Variants in MECOM observed in about 807,000 individuals in gnomAD.
MECOM encodes histone-lysine N-methyltransferase MECOM.
MECOM carries 13 observed loss-of-function variants against 116.3 expected under a neutral mutation model. The ratio of observed to expected loss-of-function variants is 0.11; its 90% confidence interval spans 0.07 to 0.18. MECOM has a LOEUF of 0.18. Among genes scored for constraint, MECOM ranks in the 10% least tolerant of loss-of-function variants. The pLI is 1.00. For missense variants in MECOM, 1,299 were observed against 1,509.0 expected, an observed-to-expected ratio of 0.86 and a Z score of 2.31; for synonymous variants, 528 against 535.2, an observed-to-expected ratio of 0.99 and a Z score of 0.19.
chr3:169,243,965 T>C (rs796257813), intron 2 of MECOM, among the ~76,000 whole-genome samples: 20 of 152,352 alleles, frequency 1.3e-4, no homozygotes, highest in African/African-American at 4.6e-4. Context: ...CTTCTTCAAT[T>C]GCAGGGCTCA....
chr3:169,465,529 T>C (rs192058357), intron 1 of MECOM, among the ~76,000 whole-genome samples: 47 of 152,222 alleles, frequency 3.1e-4, no homozygotes, highest in Admixed American at 2.5e-3. Flanking sequence ...ACACTTTGCT[T>C]GTCTTAGATT....
intron 2 of MECOM, among the ~76,000 whole-genome samples, chr3:169,241,726 C>A (rs774148751): frequency 6.6e-6 from 1 of 152,070 alleles, no homozygotes; most frequent in Non-Finnish European, 1.5e-5. Flanking sequence ...ACCACTAATA[C>A]CCAGGAAAGA....
chr3:169,263,301 T>C (rs1043915117), intron 2 of MECOM, among the ~76,000 whole-genome samples: 38 of 151,000 alleles, frequency 2.5e-4, no homozygotes, highest in African/African-American at 9.2e-4. Flanking sequence ...GTTAATCTTT[T>C]GTATTTTTAG....
intron 2 of MECOM, chr3:169,146,004 G>T: frequency 4.5e-6 from 1 of 222,430 alleles, no homozygotes; most frequent in African/African-American, 2.2e-5. Flanking sequence ...CTTTTGATTT[G>T]CTAGCAGAAC....
intron 1 of MECOM, among the ~76,000 whole-genome samples, chr3:169,509,330 T>C (rs1755676722): frequency 6.6e-6 from 1 of 152,246 alleles, no homozygotes; most frequent in Non-Finnish European, 1.5e-5. Context: ...AAAAATTTTT[T>C]GATCGTGGTA....
chr3:169,446,597 C>T (rs948962684), intron 1 of MECOM, among the ~76,000 whole-genome samples: 3 of 152,192 alleles, frequency 2.0e-5, no homozygotes, highest in African/African-American at 7.2e-5. Flanking sequence ...ATAGAACTTG[C>T]TAAGCTACCC....
At chr3:169,258,817 G>A (rs545327926) in intron 2 of MECOM, among the ~76,000 whole-genome samples, 20 of 152,276 alleles carry the variant, frequency 1.3e-4, no homozygotes, top group African/African-American at 4.1e-4. Flanking sequence ...TCACTTGGAG[G>A]TATTTAAGGT....
chr3:169,518,356 C>A (rs772387767), intron 1 of MECOM, among the ~76,000 whole-genome samples: 7 of 152,040 alleles, frequency 4.6e-5, no homozygotes, highest in Non-Finnish European at 7.4e-5. Flanking sequence ...GGAAGGGGAG[C>A]AATAAGATGT....
intron 2 of MECOM, among the ~76,000 whole-genome samples, chr3:169,354,468 T>G (rs758066600): frequency 6.6e-6 from 1 of 151,950 alleles, no homozygotes; most frequent in Non-Finnish European, 1.5e-5. Context: ...TTAAGCTACT[T>G]TCATAGGACA....
intron 1 of MECOM, among the ~76,000 whole-genome samples, chr3:169,472,659 A>AGG (rs1560319080): frequency 1.6e-5 from 2 of 125,110 alleles, no homozygotes; most frequent in Admixed American, 8.0e-5. Flanking sequence ...AAAAGAAAAG[A>AGG]AAGGAAAGGA....
intron 2 of MECOM, among the ~76,000 whole-genome samples, chr3:169,194,454 T>C (rs370679496): frequency 1.3e-5 from 2 of 152,044 alleles, no homozygotes; most frequent in African/African-American, 4.8e-5. Context: ...CCCTAAAACC[T>C]AAAGTATAAT....
chr3:169,381,425 G>A lies in MECOM; in HGVS notation c.137C>T (p.Pro46Leu), dbSNP rs376185183. The change falls in exon 2 of 17, where the codon CCA becomes CTA. Residue 46 changes from proline (P) to leucine (L), a missense_variant. By Grantham distance (98) the Pro-to-Leu change is moderately conservative (BLOSUM62 -3). This residue lies in a region of MECOM where 374 missense variants were observed against 433.4 expected (regional missense o/e 0.86). Coordinates refer to ENST00000651503, the MANE Select transcript of MECOM (RefSeq NM_004991.4). ...ASTPSLNIQE[P>L]CSPATSSEAF... ...TTCACTGGATGTGGCAGGAGAGCAT[G>A]GCTCTTGAATATTGAGGGAGGGAGT... 4.3e-5 allele frequency: 69 copies of A among 1,613,694 alleles called. No homozygotes were observed. The highest frequency in any genetic ancestry group is 5.4e-5 in the Non-Finnish European group (64 of 1,179,796).
In MECOM at chr3:169,146,515, C is replaced by T. The variant is rs776715992; in HGVS notation, c.376-2683G>A. On this transcript the variant is annotated intron_variant, in intron 2 of 16. Transcript: ENST00000651503. The stretch of plus-strand genomic sequence containing the variant: ...ACCCACCCCGGAGACGTGTCCAGAC[C>T]GCACCGTTTCGCAGGAGGAACAAGG... 6 of 1,379,400 alleles carry T rather than the reference C, an allele frequency of 4.3e-6. No individual in the cohort carries two copies. The South Asian group carries it at 6.8e-5, about 16-fold the overall frequency. The allele number at this position is 1,379,400 out of a possible 1,614,324, so 85.4% of individuals were successfully genotyped here. A position where few individuals can be genotyped will look rare whatever the true frequency, so the allele number is the denominator to read the frequency against.
rs2148801848 is a variant in MECOM, at chr3:169,083,948, C to A, written c.*961G>T. 4.4e-6 allele frequency: 1 copy of A among 227,566 alleles called. No homozygotes were observed. Among genetic ancestry groups the A allele is most frequent in the East Asian group, 6.3e-5 (1 of 15,820 alleles). The allele number at this position is 227,566 out of a possible 1,614,324, so 14.1% of individuals were successfully genotyped here. On this transcript the variant is annotated 3_prime_UTR_variant, in exon 17 of 17. Coordinates refer to ENST00000651503, the MANE Select transcript of MECOM (RefSeq NM_004991.4). ...TAAGAAGGAAAACAAAACAAACAAACAAAAAGGAATGTTAAGAAAAGCCAA... is the reference window on the plus strand; with the variant it reads ...TAAGAAGGAAAACAAAACAAACAAAAAAAAAGGAATGTTAAGAAAAGCCAA...
At chr3:169,368,433 T>A (rs890319236) in intron 2 of MECOM, among the ~76,000 whole-genome samples, 1 of 152,026 alleles carries the variant, frequency 6.6e-6, no homozygotes, top group Non-Finnish European at 1.5e-5. Context: ...TTAATAAAAA[T>A]TTTTATTTAT....
intron 1 of MECOM, among the ~76,000 whole-genome samples, chr3:169,581,448 CT>C (rs3214398): frequency 6.6e-6 from 1 of 151,278 alleles, no homozygotes; most frequent in Admixed American, 6.6e-5. Context: ...TGCTTTCTGC[CT>C]TTTTTTTTCT....
At chr3:169,306,931 A>G (rs1717818054) in intron 2 of MECOM, among the ~76,000 whole-genome samples, 1 of 152,192 alleles carries the variant, frequency 6.6e-6, no homozygotes, top group Admixed American at 6.5e-5. Flanking sequence ...GATGACTCCC[A>G]AACTCTTATC....
intron 2 of MECOM, among the ~76,000 whole-genome samples, chr3:169,308,364 CAT>C (rs1312249792): frequency 6.6e-6 from 1 of 152,130 alleles, no homozygotes; most frequent in African/African-American, 2.4e-5. Context: ...TACAGTGAGA[CAT>C]ATTATATAAA....
intron 9 of MECOM, among the ~76,000 whole-genome samples, chr3:169,112,567 C>A (rs1439227198): frequency 6.6e-6 from 1 of 152,094 alleles, no homozygotes; most frequent in African/African-American, 2.4e-5. Flanking sequence ...TAATAGCAGA[C>A]AATCATTTAA....
Sources: allele counts gnomAD v4.1 joint callset (sites outside exome capture counted in the v4.1 genomes callset), GRCh38; gene constraint gnomAD v4.1.1; regional missense constraint gnomAD v4.1.1; transcripts MANE v1.5; gene names NCBI Gene and HGNC (gene_info 2026-07-23, HGNC 2026-07-21).